Variants in ZFAT observed in about 807,000 individuals in gnomAD.
ZFAT encodes zinc finger protein ZFAT.
Under a neutral mutation model 117.7 loss-of-function variants are expected in ZFAT, and 64 were observed. That is an observed-to-expected ratio of 0.54 (90% CI 0.44 to 0.67). ZFAT has a LOEUF of 0.67. Ranked by LOEUF, ZFAT falls within the 30% of genes least tolerant of loss-of-function variation. The pLI is 0.00. For synonymous variants in ZFAT, 679 were observed against 615.0 expected, an observed-to-expected ratio of 1.10 and a Z score of -1.54; for missense variants, 1,433 against 1,584.5, an observed-to-expected ratio of 0.90 and a Z score of 1.62.
intron 3 of ZFAT, among the ~76,000 whole-genome samples, chr8:134,612,049 G>A (rs1297815053): frequency 6.6e-6 from 1 of 152,220 alleles, no homozygotes; most frequent in East Asian, 1.9e-4. Context: ...TACAGTATTT[G>A]AGATCCCTAA....
At chr8:134,750,084 T>C in the ZFAT span, among the ~76,000 whole-genome samples, 3 of 152,226 alleles carry the variant, frequency 2.0e-5, no homozygotes, top group Non-Finnish European at 4.4e-5. Flanking sequence ...GGAACAAACA[T>C]TTTAAAAATA....
intron 15 of ZFAT, among the ~76,000 whole-genome samples, chr8:134,494,995 ATCTACTTAAT>A (rs563007055): frequency 6.6e-6 from 1 of 152,142 alleles, no homozygotes; most frequent in Non-Finnish European, 1.5e-5. Context: ...GAGTAGGAAG[ATCTACTTAAT>A]TCTACTTAAT....
At chr8:134,787,991 A>G in the ZFAT span, among the ~76,000 whole-genome samples, 3 of 152,168 alleles carry the variant, frequency 2.0e-5, no homozygotes, top group Non-Finnish European at 4.4e-5. Context: ...GCACACAACC[A>G]GTTGTCTATA....
intron 3 of ZFAT, among the ~76,000 whole-genome samples, chr8:134,618,023 C>T (rs1828864260): frequency 6.6e-6 from 1 of 152,100 alleles, no homozygotes; most frequent in South Asian, 2.1e-4. Context: ...GCTTTTGCTT[C>T]TTCCTCATTT....
chr8:134,819,163 C>T, the ZFAT span, among the ~76,000 whole-genome samples: 110 of 151,956 alleles, frequency 7.2e-4, no homozygotes, highest in African/African-American at 2.6e-3. Context: ...AAACAAAAGC[C>T]AGGTTACTTA....
At chr8:134,809,618 T>A in the ZFAT span, among the ~76,000 whole-genome samples, 6 of 152,320 alleles carry the variant, frequency 3.9e-5, no homozygotes. Context: ...TATTACAGAC[T>A]AAATGCATAT....
chr8:134,515,686 C>A (rs1001159178), intron 13 of ZFAT, among the ~76,000 whole-genome samples: 1 of 151,950 alleles, frequency 6.6e-6, no homozygotes, highest in African/African-American at 2.4e-5. Context: ...GTTTAAGTTC[C>A]TTGTAGATTC....
At chr8:134,622,384 G>A (rs9886494) in intron 3 of ZFAT, among the ~76,000 whole-genome samples, 9,853 of 152,214 alleles carry the variant, frequency 0.065, 1,090 homozygotes, top group African/African-American at 0.22. Context: ...ATCGCACAAC[G>A]TGGAATGCAA....
At chr8:134,506,080 T>G (rs1819381585) in intron 15 of ZFAT, among the ~76,000 whole-genome samples, 1 of 152,206 alleles carries the variant, frequency 6.6e-6, no homozygotes, top group African/African-American at 2.4e-5. Flanking sequence ...GTTTTTCTTT[T>G]CCTTTAAATA....
At chr8:134,585,202 A>C (rs1389059609) in intron 9 of ZFAT, among the ~76,000 whole-genome samples, 2 of 152,172 alleles carry the variant, frequency 1.3e-5, no homozygotes, top group East Asian at 3.9e-4. Context: ...TCACAAGAGC[A>C]GGGCCACAGC....
chr8:134,740,066 T>A, the ZFAT span, among the ~76,000 whole-genome samples: 1 of 152,228 alleles, frequency 6.6e-6, no homozygotes, highest in Non-Finnish European at 1.5e-5. Context: ...ACTTGCTCAG[T>A]TGATCCCTTT....
At chr8:134,660,392 T>C (rs1261097274) in intron 1 of ZFAT, among the ~76,000 whole-genome samples, 1 of 152,196 alleles carries the variant, frequency 6.6e-6, no homozygotes, top group Non-Finnish European at 1.5e-5. Flanking sequence ...GCAAAGAGCG[T>C]AATCCCCAAA....
chr8:134,498,095 T>C (rs74774759), intron 15 of ZFAT, among the ~76,000 whole-genome samples: 3 of 38,774 alleles, frequency 7.7e-5, no homozygotes, highest in African/African-American at 2.4e-4. Context: ...GTGGTGGAGC[T>C]GGGATGCCCC....
intron 11 of ZFAT, among the ~76,000 whole-genome samples, chr8:134,561,593 T>C (rs1276654543): frequency 6.6e-6 from 1 of 152,200 alleles, no homozygotes; most frequent in Non-Finnish European, 1.5e-5. Context: ...ATATGTACTT[T>C]TAAAAGGCAA....
the ZFAT span, among the ~76,000 whole-genome samples, chr8:134,828,218 T>C: frequency 1.2e-4 from 18 of 152,212 alleles, no homozygotes; most frequent in African/African-American, 3.6e-4. Context: ...ATTTGTTCAA[T>C]TGAGGAACTA....
chr8:134,827,028 CT>C, the ZFAT span, among the ~76,000 whole-genome samples: 1 of 152,168 alleles, frequency 6.6e-6, no homozygotes, highest in Non-Finnish European at 1.5e-5. Context: ...ATGACTAAAA[CT>C]CTGAACTCAG....
chr8:134,583,896 CAT>C lies in ZFAT; in HGVS notation c.2821_2822del (p.Met941ValfsTer26), dbSNP rs760431792. 12 of 1,612,032 alleles carry C rather than the reference CAT, an allele frequency of 7.4e-6. No homozygotes were observed. The highest frequency in any genetic ancestry group is 1.7e-5 in the Admixed American group (1 of 59,836). On this transcript the variant is annotated frameshift_variant, in exon 10 of 16. Transcript: ENST00000377838. LOFTEE classifies it high-confidence loss of function. The part of the protein sequence containing the change: ...HSTEKTHLCD[M>X]CGKKFKSKGT... The stretch of plus-strand genomic sequence containing the variant: ...CTTTTGATTTGAATTTCTTGCCACA[CAT>C]GTCACATAGGTGGGTTTTCTCAGTG...
the ZFAT span, among the ~76,000 whole-genome samples, chr8:134,758,823 T>C: frequency 6.6e-6 from 1 of 152,330 alleles, no homozygotes; most frequent in South Asian, 2.1e-4. Flanking sequence ...TGATCCATCC[T>C]GATCCGTGGC....
chr8:134,664,446 C>T (rs552580107), intron 1 of ZFAT, among the ~76,000 whole-genome samples: 14 of 152,314 alleles, frequency 9.2e-5, no homozygotes, highest in South Asian at 8.3e-4. Context: ...TCCCCAGGGG[C>T]GCTCTATGCT....
Sources: gnomAD v4.1 joint callset for allele counts (sites outside exome capture counted in the v4.1 genomes callset) on GRCh38, gnomAD v4.1.1 for gene constraint, MANE v1.5 for transcripts, NCBI Gene and HGNC (gene_info 2026-07-23, HGNC 2026-07-21) for gene names.